Variants in PPARG observed in about 807,000 individuals in gnomAD.
PPARG encodes peroxisome proliferator-activated receptor gamma.
Under a neutral mutation model 39.2 loss-of-function variants are expected in PPARG, and 17 were observed. That is an observed-to-expected ratio of 0.43 (90% CI 0.30 to 0.65). The LOEUF (loss-of-function observed/expected upper bound fraction) is 0.65. Ranked by LOEUF, PPARG falls within the 30% of genes least tolerant of loss-of-function variation. The probability of loss-of-function intolerance (pLI) is 0.13; values close to 1 mark genes in which losing one functional copy is unlikely to be tolerated. For synonymous variants in PPARG, 223 were observed against 215.7 expected (o/e 1.03, Z -0.30); for missense variants, 406 against 585.9 (o/e 0.69, Z 3.17).
In PPARG at chr3:12,381,381, A is replaced by G. The variant is rs748205580; in HGVS notation, c.280A>G (p.Asn94Asp). The stretch of plus-strand genomic sequence containing the variant: ...TTATTCTGAGAAGACTCAGCTCTAC[A>G]ATAAGCCTCATGAAGAGCCTTCCAA... ...PYYSEKTQLY[N>D]KPHEEPSNSL... The change falls in exon 4 of 8, where the codon AAT becomes GAT. Residue 94 changes from asparagine (N) to aspartate (D), a missense_variant. Asn to Asp is a conservative substitution (Grantham distance 23, BLOSUM62 1). Coordinates refer to ENST00000651735, the MANE Select transcript of PPARG (RefSeq NM_138711.6). 6.8e-6 allele frequency: 11 copies of G among 1,613,460 alleles called. No individual in the cohort carries two copies. In the South Asian group the frequency reaches 1.1e-4, roughly 16 times the overall value.
intron 1 of PPARG, among the ~76,000 whole-genome samples, chr3:12,294,908 T>A (rs549608771): frequency 2.2e-4 from 33 of 152,166 alleles, no homozygotes; most frequent in South Asian, 1.0e-3. Context: ...TAATAATAAT[T>A]ATTATTATAC....
At chr3:12,302,792 A>G (rs1468597127) in intron 1 of PPARG, among the ~76,000 whole-genome samples, 1 of 152,112 alleles carries the variant, frequency 6.6e-6, no homozygotes, top group East Asian at 1.9e-4. Context: ...TCGTAAGAAG[A>G]GGGGTGAGAT....
intron 4 of PPARG, among the ~76,000 whole-genome samples, chr3:12,383,265 A>T (rs939294787): frequency 6.6e-6 from 1 of 152,190 alleles, no homozygotes; most frequent in Non-Finnish European, 1.5e-5. Flanking sequence ...CTGGCAAGAG[A>T]TGCTTTCATT....
At chr3:12,352,513 C>T (rs890269946) in intron 2 of PPARG, among the ~76,000 whole-genome samples, 3 of 152,046 alleles carry the variant, frequency 2.0e-5, no homozygotes, top group African/African-American at 7.2e-5. Flanking sequence ...TGTATTGTCT[C>T]GTATTGATGT....
At chr3:12,376,793 TAATA>T (rs1157610249) in intron 2 of PPARG, among the ~76,000 whole-genome samples, 2 of 152,210 alleles carry the variant, frequency 1.3e-5, no homozygotes, top group Admixed American at 6.5e-5. Flanking sequence ...ATTTAGTATT[TAATA>T]AATAAATATT....
At chr3:12,380,313 A>G (rs1193054444) in intron 3 of PPARG, among the ~76,000 whole-genome samples, 1 of 152,186 alleles carries the variant, frequency 6.6e-6, no homozygotes. Context: ...ACTTTGTATT[A>G]TATAACTTAT....
Position 12,390,665 on chromosome 3 carries a change from A to G in PPARG, c.391-1949A>G, listed in dbSNP as rs1471235828. ...TTTTTTTTTTTTTTTTTTTGAGACAATGTCTCACTCTGTCACCCAGACTGG... is the reference window on the plus strand; with the variant it reads ...TTTTTTTTTTTTTTTTTTTGAGACAGTGTCTCACTCTGTCACCCAGACTGG... On this transcript the variant is annotated intron_variant, in intron 4 of 7. Transcript: ENST00000651735. 1.9e-4 allele frequency among the ~76,000 whole-genome samples: 22 copies of G among 115,774 alleles called. No homozygotes were observed. In the South Asian group the frequency reaches 3.9e-3, roughly 20 times the overall value. The allele number at this position is 115,774 out of a possible 152,430, so 76.0% of individuals were successfully genotyped here.
At chr3:12,327,915 T>C in intron 2 of PPARG, 3 of 624,164 alleles carry the variant, frequency 4.8e-6, no homozygotes, top group Non-Finnish European at 8.5e-6. Context: ...CATAGCACTT[T>C]AAAAGCTCTG....
chr3:12,378,062 G>A (rs370632036), intron 2 of PPARG, among the ~76,000 whole-genome samples: 15 of 151,852 alleles, frequency 9.9e-5, no homozygotes, highest in Non-Finnish European at 1.8e-4. Flanking sequence ...TCAAAACCAC[G>A]GTGAGATATC....
chr3:12,321,229 T>G (rs2047534323), intron 2 of PPARG, among the ~76,000 whole-genome samples: 1 of 152,134 alleles, frequency 6.6e-6, no homozygotes. Context: ...TCAGCTGGGC[T>G]GGGATGAGTG....
At chr3:12,393,093 G>C (rs1054327530) in intron 5 of PPARG, among the ~76,000 whole-genome samples, 19 of 151,406 alleles carry the variant, frequency 1.3e-4, no homozygotes, top group South Asian at 4.2e-4. Context: ...ATTTACTTTT[G>C]TGTATCAGTA....
chr3:12,370,855 C>T (rs1484655189), intron 2 of PPARG, among the ~76,000 whole-genome samples: 2 of 152,184 alleles, frequency 1.3e-5, no homozygotes, highest in East Asian at 3.8e-4. Flanking sequence ...ACTTTCCTGG[C>T]TGCTAAAGAG....
intron 1 of PPARG, among the ~76,000 whole-genome samples, chr3:12,307,597 C>G (rs958516532): frequency 6.6e-6 from 1 of 152,046 alleles, no homozygotes; most frequent in Non-Finnish European, 1.5e-5. Flanking sequence ...AGAGAGAGAT[C>G]GTGAAATTCC....
In PPARG at chr3:12,417,112, A is replaced by G. The variant is rs771718768; in HGVS notation, c.1138A>G (p.Ser380Gly). ...GTTCAATGCACTGGAATTAGATGAC[A>G]GCGACTTGGCAATATTTATTGCTGT... ...VKFNALELDD[S>G]DLAIFIAVII... The change falls in exon 7 of 8, where the codon AGC (serine) becomes GGC (glycine). Residue 380 changes from serine to glycine, a missense_variant. Around this residue, in one of 2 missense-constraint regions of PPARG, gnomAD observed 275 missense variants for 458.0 expected, o/e 0.60. Transcript: ENST00000651735. The G allele has an allele frequency of 6.2e-7, 1 of 1,614,140 alleles. No homozygotes were observed. Among genetic ancestry groups the G allele is most frequent in the South Asian group, 1.1e-5 (1 of 91,078 alleles).
intron 7 of PPARG, among the ~76,000 whole-genome samples, chr3:12,426,416 T>G (rs1042158029): frequency 6.6e-6 from 1 of 152,124 alleles, no homozygotes. Flanking sequence ...ACGACATTGC[T>G]CCTCAAATCA....
At chr3:12,330,888 A>G (rs1254218284) in intron 2 of PPARG, among the ~76,000 whole-genome samples, 1 of 152,216 alleles carries the variant, frequency 6.6e-6, no homozygotes, top group Admixed American at 6.5e-5. Context: ...AGATCCACAA[A>G]TATATTCTTG....
intron 2 of PPARG, among the ~76,000 whole-genome samples, chr3:12,368,548 A>G (rs564727080): frequency 4.7e-4 from 71 of 152,300 alleles, no homozygotes; most frequent in African/African-American, 1.6e-3. Context: ...ACCATGACAG[A>G]ATTTAAACTC....
chr3:12,357,887 A>G (rs1053742010), intron 2 of PPARG, among the ~76,000 whole-genome samples: 31 of 152,250 alleles, frequency 2.0e-4, no homozygotes, highest in Admixed American at 6.5e-5. Flanking sequence ...GTTTTATTCT[A>G]TATTCCACAA....
chr3:12,292,867 A>G (rs1053286569), intron 1 of PPARG, among the ~76,000 whole-genome samples: 3 of 152,158 alleles, frequency 2.0e-5, no homozygotes, highest in African/African-American at 4.8e-5. Context: ...CTGGGCCCCA[A>G]ACTGCACACT....
Sources: gnomAD v4.1 joint callset for allele counts (sites outside exome capture counted in the v4.1 genomes callset) on GRCh38, gnomAD v4.1.1 for gene constraint, gnomAD v4.1.1 regional missense constraint, MANE v1.5 for transcripts, NCBI Gene and HGNC (gene_info 2026-07-23, HGNC 2026-07-21) for gene names.